Variants in TOX observed in about 807,000 individuals in gnomAD.
TOX encodes thymocyte selection associated high mobility group box.
A neutral mutation model predicts 53.7 loss-of-function variants in TOX; 11 were observed. The observed-to-expected ratio is 0.20, with a 90% CI of 0.13 to 0.34. TOX has a LOEUF of 0.34. Ranked by LOEUF, TOX falls within the 10% of genes least tolerant of loss-of-function variation. The pLI is 1.00. For missense variants in TOX, 570 were observed against 664.6 expected, an observed-to-expected ratio of 0.86 and a Z score of 1.56; for synonymous variants, 225 against 245.3, an observed-to-expected ratio of 0.92 and a Z score of 0.77.
chr8:58,942,269 A>G (rs1467490899), intron 2 of TOX, among the ~76,000 whole-genome samples: 1 of 152,184 alleles, frequency 6.6e-6, no homozygotes, highest in Non-Finnish European at 1.5e-5. Context: ...AGAAGGTTTA[A>G]TTGGTATCAC....
intron 1 of TOX, among the ~76,000 whole-genome samples, chr8:59,060,578 G>A (rs542710080): frequency 6.6e-6 from 1 of 152,320 alleles, no homozygotes; most frequent in Admixed American, 6.5e-5. Flanking sequence ...GGTGAGCCAA[G>A]ATCACACCAC....
intron 5 of TOX, among the ~76,000 whole-genome samples, chr8:58,835,225 A>T (rs1186147032): frequency 1.3e-5 from 2 of 152,360 alleles, no homozygotes; most frequent in East Asian, 3.9e-4. Context: ...TAGACTCATT[A>T]CAAGTTACTT....
rs1361080544 is a variant in TOX, at chr8:59,002,396, T to C, written c.103-42388A>G. 2.7e-5 allele frequency among the ~76,000 whole-genome samples: 4 copies of C among 150,942 alleles called. No homozygotes were observed. The East Asian group carries it at 7.9e-4, about 30-fold the overall frequency. ...TCACGAGGTCAGGAGATGGAGACCA[T>C]CCTGGCTAACACGGTGAAACCCCGT... On this transcript the variant is annotated intron_variant, in intron 1 of 8. Coordinates refer to ENST00000361421, the MANE Select transcript of TOX (RefSeq NM_014729.3).
chr8:59,018,121 T>A (rs1449760556), intron 1 of TOX, among the ~76,000 whole-genome samples: 1 of 152,162 alleles, frequency 6.6e-6, no homozygotes, highest in Admixed American at 6.6e-5. Flanking sequence ...CTGAGTAGAT[T>A]CATAATGTGC....
chr8:58,887,838 A>G (rs1811497104), intron 3 of TOX, among the ~76,000 whole-genome samples: 1 of 152,082 alleles, frequency 6.6e-6, no homozygotes, highest in Non-Finnish European at 1.5e-5. Flanking sequence ...ATTTAAGGCT[A>G]GGAATATTCT....
chr8:58,977,724 G>C (rs1222609953), intron 1 of TOX, among the ~76,000 whole-genome samples: 1 of 152,164 alleles, frequency 6.6e-6, no homozygotes, highest in Non-Finnish European at 1.5e-5. Context: ...GGAGGTCTGA[G>C]GAGAGGGGGA....
intron 1 of TOX, among the ~76,000 whole-genome samples, chr8:58,968,968 T>C (rs1812952907): frequency 1.3e-5 from 2 of 152,148 alleles, no homozygotes; most frequent in South Asian, 4.1e-4. Flanking sequence ...AACTTTGAGA[T>C]TAAAAGTGGT....
chr8:59,087,724 T>C (rs887395583), intron 1 of TOX, among the ~76,000 whole-genome samples: 1 of 152,180 alleles, frequency 6.6e-6, no homozygotes, highest in African/African-American at 2.4e-5. Context: ...CTTGAGCTTA[T>C]AAAACTGGAA....
chr8:58,939,833 T>G (rs1423116330), intron 2 of TOX, among the ~76,000 whole-genome samples: 3 of 152,202 alleles, frequency 2.0e-5, no homozygotes, highest in African/African-American at 4.8e-5. Context: ...TTTCCAGAGT[T>G]TTAATCTAGC....
intron 3 of TOX, among the ~76,000 whole-genome samples, chr8:58,934,528 G>A (rs756883618): frequency 1.4e-4 from 22 of 152,132 alleles, no homozygotes; most frequent in Non-Finnish European, 2.8e-4. Flanking sequence ...GTTACTCACG[G>A]TCACACAGCT....
chr8:58,986,482 T>C (rs1247032554), intron 1 of TOX, among the ~76,000 whole-genome samples: 2 of 152,190 alleles, frequency 1.3e-5, no homozygotes, highest in Non-Finnish European at 1.5e-5. Flanking sequence ...CAGGAAGTGA[T>C]TGGAGGGATG....
chr8:59,021,477 A>T (rs201030190), intron 1 of TOX, among the ~76,000 whole-genome samples: 1,273 of 61,344 alleles, frequency 0.021, 18 homozygotes, highest in Middle Eastern at 0.067. Flanking sequence ...AAAAAAAAAA[A>T]AAAAATATAT....
intron 1 of TOX, among the ~76,000 whole-genome samples, chr8:59,061,636 G>A (rs1803986149): frequency 6.6e-6 from 1 of 151,986 alleles, no homozygotes; most frequent in Non-Finnish European, 1.5e-5. Flanking sequence ...TTTCATAGTT[G>A]GTGGCCAGGT....
chr8:58,905,004 C>T (rs1425949019), intron 3 of TOX, among the ~76,000 whole-genome samples: 2 of 152,222 alleles, frequency 1.3e-5, no homozygotes, highest in Non-Finnish European at 2.9e-5. Context: ...ACGATCTTGG[C>T]TCACTGCAAG....
rs760675936 is a variant in TOX at position 58,939,534 on chromosome 8, C to A, written c.179G>T (p.Gly60Val). The A allele has an allele frequency of 1.2e-6, 2 of 1,613,584 alleles. No individual in the cohort carries two copies. The highest frequency in any genetic ancestry group is 4.5e-5 in the East Asian group (2 of 44,878). ...DYVPASQSYP[G>V]PSLESEDFNI... The stretch of plus-strand genomic sequence containing the variant: ...GAAGTCTTCACTTTCCAGGCTTGGA[C>A]CAGGGTAGGACTGTGAAAAGACAAA... Residue 60 changes from glycine to valine, a missense_variant, in exon 3 of 9, where the codon GGT becomes GTT. Gly to Val is a moderately radical substitution (Grantham distance 109, BLOSUM62 -3). Transcript: ENST00000361421.
chr8:58,818,129 T>C (rs1810211315), intron 6 of TOX, among the ~76,000 whole-genome samples: 1 of 152,204 alleles, frequency 6.6e-6, no homozygotes, highest in African/African-American at 2.4e-5. Flanking sequence ...GCTCTCTTTT[T>C]TCATGGATAA....
chr8:59,039,629 T>C (rs975797557), intron 1 of TOX, among the ~76,000 whole-genome samples: 1 of 152,196 alleles, frequency 6.6e-6, no homozygotes, highest in African/African-American at 2.4e-5. Context: ...CCTTCCATTG[T>C]CCATTTTTTT....
chr8:59,055,416 G>A (rs184444325), intron 1 of TOX, among the ~76,000 whole-genome samples: 1 of 152,262 alleles, frequency 6.6e-6, no homozygotes, highest in Non-Finnish European at 1.5e-5. Context: ...CTTCTGTTTG[G>A]CCTGTTAGCA....
chr8:59,007,221 CTT>C (rs34054301), intron 1 of TOX, among the ~76,000 whole-genome samples: 11 of 149,930 alleles, frequency 7.3e-5, no homozygotes, highest in East Asian at 5.9e-4. Flanking sequence ...GGGCTGTCAT[CTT>C]TTTTTTTTTC....
Sources: allele counts gnomAD v4.1 joint callset (sites outside exome capture counted in the v4.1 genomes callset), GRCh38; gene constraint gnomAD v4.1.1; transcripts MANE v1.5; gene names NCBI Gene and HGNC (gene_info 2026-07-23, HGNC 2026-07-21).